SNX29: variants seen among roughly 807,000 people sequenced by gnomAD.
SNX29 encodes the protein sorting nexin-29.
In SNX29, 78 loss-of-function variants were observed where a neutral mutation model predicts 102.1. The ratio of observed to expected loss-of-function variants is 0.76; its 90% CI spans 0.64 to 0.92. SNX29 has a LOEUF of 0.92. Ranked by LOEUF, SNX29 falls within the 40% of genes least tolerant of loss-of-function variation. The pLI, the probability that SNX29 is intolerant of heterozygous loss-of-function variation, is 0.00. For synonymous variants in SNX29, 580 were observed against 414.5 expected, an observed-to-expected ratio of 1.40 and a Z score of -4.85; for missense variants, 1,280 against 1,061.7, an observed-to-expected ratio of 1.21 and a Z score of -2.86.
chr16:12,078,841 C>A lies in SNX29; in HGVS notation c.1328C>A (p.Ala443Asp). 1 of 1,601,624 alleles carries A rather than the reference C, an allele frequency of 6.2e-7. No individual in the cohort carries two copies. Among genetic ancestry groups the A allele is most frequent in the Non-Finnish European group, 8.5e-7 (1 of 1,174,258 alleles). ...PDPGLRYSVE[A>D]SSPGHGSPLS... ...TGCCTGCTTTTTCCTAGTGTGGAAG[C>A]CAGCTCTCCAGGCCACGGAAGTCCT... Residue 443 changes from alanine (A) to aspartate (D), a missense_variant, in exon 11 of 21, where the codon GCC becomes GAC. Ala to Asp is a moderately radical substitution (Grantham distance 126). Transcript: ENST00000566228.
At chr16:12,313,710 C>A (rs1031815868) in intron 15 of SNX29, among the ~76,000 whole-genome samples, 2 of 152,198 alleles carry the variant, frequency 1.3e-5, no homozygotes, top group Non-Finnish European at 2.9e-5. Context: ...TTGTTGCATC[C>A]CCCACACCTC....
chr16:12,393,520 T>C (rs942293973), intron 16 of SNX29, among the ~76,000 whole-genome samples: 3 of 151,086 alleles, frequency 2.0e-5, no homozygotes, highest in South Asian at 2.1e-4. Context: ...TAAGCACATA[T>C]AGAGCTCTCT....
intron 19 of SNX29, among the ~76,000 whole-genome samples, chr16:12,497,174 C>T (rs1192528470): frequency 6.6e-6 from 1 of 152,234 alleles, no homozygotes; most frequent in African/African-American, 2.4e-5. Context: ...CTGGCTGCAA[C>T]CAAGATCCTA....
chr16:11,984,428 T>C (rs2055522997), intron 1 of SNX29, among the ~76,000 whole-genome samples: 2 of 152,024 alleles, frequency 1.3e-5, no homozygotes, highest in Admixed American at 1.3e-4. Flanking sequence ...AATTGTATTA[T>C]TATCATACAA....
intron 14 of SNX29, among the ~76,000 whole-genome samples, chr16:12,204,512 G>A (rs552954504): frequency 7.2e-5 from 11 of 152,090 alleles, no homozygotes; most frequent in Non-Finnish European, 1.6e-4. Context: ...CTGTTCAATA[G>A]CAATGGATTT....
At chr16:12,559,613 G>T (rs1237381790) in intron 20 of SNX29, among the ~76,000 whole-genome samples, 2 of 151,908 alleles carry the variant, frequency 1.3e-5, no homozygotes, top group Non-Finnish European at 2.9e-5. Flanking sequence ...CTGCTGCCAC[G>T]TGACCTTGCA....
At chr16:12,013,110 G>T (rs1477059073) in intron 3 of SNX29, among the ~76,000 whole-genome samples, 3 of 151,468 alleles carry the variant, frequency 2.0e-5, no homozygotes, top group Non-Finnish European at 4.4e-5. Flanking sequence ...AAGGATTGAG[G>T]TTTGGGACTG....
rs1246730025 is a variant in SNX29 at position 11,999,158 on chromosome 16, C to A, written c.8-139C>A. ...GATGCAGTAACAGGCAATAGCCAAA[C>A]TTCATTGTAATGATACAGATTATTG... On this transcript the variant is annotated intron_variant, in intron 1 of 20. Coordinates refer to ENST00000566228, the MANE Select transcript of SNX29 (RefSeq NM_032167.5). The A allele has an allele frequency of 4.1e-6, 3 of 732,892 alleles. 1 individual carries two copies. The highest frequency in any genetic ancestry group is 3.7e-5 in the South Asian group (2 of 54,228). The allele number at this position is 732,892 out of a possible 1,614,324, so 45.4% of individuals were successfully genotyped here.
At chr16:12,174,604 C>G (rs2076219994) in intron 13 of SNX29, among the ~76,000 whole-genome samples, 1 of 152,318 alleles carries the variant, frequency 6.6e-6, no homozygotes, top group South Asian at 2.1e-4. Context: ...ACAGACAAAC[C>G]AACCTCTTGT....
Position 12,572,992 on chromosome 16 carries a change from T to A in SNX29, c.*4363T>A. The A allele has an allele frequency of 2.8e-6, 1 of 359,930 alleles. No individual in the cohort carries two copies. Among genetic ancestry groups the A allele is most frequent in the Non-Finnish European group, 4.3e-6 (1 of 234,962 alleles). The allele number at this position is 359,930 out of a possible 1,614,324, so 22.3% of individuals were successfully genotyped here. A position where few individuals can be genotyped will look rare whatever the true frequency, so the allele number is the denominator to read the frequency against. ...TTCAAAATATTGTGCATTAATTCAT[T>A]AAAGCTACTGTTAAATATTTGCTGT... On this transcript the variant is annotated 3_prime_UTR_variant, in exon 21 of 21. Coordinates refer to ENST00000566228, the MANE Select transcript of SNX29 (RefSeq NM_032167.5).
At chr16:12,543,139 C>G (rs759287811) in intron 20 of SNX29, among the ~76,000 whole-genome samples, 1 of 152,146 alleles carries the variant, frequency 6.6e-6, no homozygotes, top group Non-Finnish European at 1.5e-5. Context: ...GGTTTAGATC[C>G]AGGCCCTGAA....
chr16:12,547,848 G>C (rs73508581), intron 20 of SNX29, among the ~76,000 whole-genome samples: 2 of 152,258 alleles, frequency 1.3e-5, no homozygotes, highest in African/African-American at 2.4e-5. Context: ...ATTCCAAACT[G>C]GAGTTTAGCA....
intron 13 of SNX29, among the ~76,000 whole-genome samples, chr16:12,174,841 G>C (rs2076224868): frequency 6.6e-6 from 1 of 152,118 alleles, no homozygotes; most frequent in Non-Finnish European, 1.5e-5. Context: ...TAAACAGCAT[G>C]TTGAAGGAGG....
At chr16:12,426,795 A>G (rs1262854704) in intron 18 of SNX29, among the ~76,000 whole-genome samples, 1 of 152,240 alleles carries the variant, frequency 6.6e-6, no homozygotes, top group East Asian at 1.9e-4. Flanking sequence ...CTACCTATGT[A>G]GCTGGGATTA....
At chr16:12,172,946 G>T (rs1236299352) in intron 13 of SNX29, among the ~76,000 whole-genome samples, 1 of 152,334 alleles carries the variant, frequency 6.6e-6, no homozygotes, top group African/African-American at 2.4e-5. Context: ...GAAGTCAGGT[G>T]AAATATGGAG....
chr16:12,541,420 C>T (rs1223519791), intron 20 of SNX29, among the ~76,000 whole-genome samples: 1 of 152,144 alleles, frequency 6.6e-6, no homozygotes, highest in African/African-American at 2.4e-5. Flanking sequence ...AACTGAGGCT[C>T]ATGGAAGGTC....
chr16:12,184,339 C>G (rs2141855838), intron 13 of SNX29, among the ~76,000 whole-genome samples: 1 of 152,280 alleles, frequency 6.6e-6, no homozygotes, highest in East Asian at 1.9e-4. Flanking sequence ...TCAGATGGTC[C>G]TTGAGGCTGA....
chr16:12,211,060 T>G (rs1253545075), intron 14 of SNX29, among the ~76,000 whole-genome samples: 1 of 152,080 alleles, frequency 6.6e-6, no homozygotes, highest in Non-Finnish European at 1.5e-5. Context: ...CCTCCCTCAC[T>G]TTTTACACAG....
intron 18 of SNX29, among the ~76,000 whole-genome samples, chr16:12,470,698 C>T (rs1358109383): frequency 6.6e-6 from 1 of 152,186 alleles, no homozygotes; most frequent in East Asian, 1.9e-4. Context: ...GTTTGTGTTT[C>T]CCCGCCTGCC....
Sources: allele counts gnomAD v4.1 joint callset (sites outside exome capture counted in the v4.1 genomes callset), GRCh38; gene constraint gnomAD v4.1.1; transcripts MANE v1.5; gene names NCBI Gene and HGNC (gene_info 2026-07-23, HGNC 2026-07-21).